The following TTC7B variants were observed in gnomAD, a reference collection of about 807,000 sequenced individuals.
TTC7B encodes tetratricopeptide repeat domain 7B.
TTC7B carries 28 observed loss-of-function variants against 106.8 expected under a neutral mutation model. The ratio of observed to expected loss-of-function variants is 0.26; its 90% CI spans 0.19 to 0.36. The LOEUF is 0.36. Ranked by LOEUF, TTC7B falls within the 10% of genes least tolerant of loss-of-function variation. The pLI is 1.00. For synonymous variants in TTC7B, 405 were observed against 430.6 expected (o/e 0.94, Z 0.74); for missense variants, 862 against 1,076.4 (o/e 0.80, Z 2.79).
chr14:90,746,295 G>A (rs774226698), intron 3 of TTC7B, among the ~76,000 whole-genome samples: 33 of 151,972 alleles, frequency 2.2e-4, no homozygotes, highest in Non-Finnish European at 3.7e-4. Flanking sequence ...TTCTTCTTGA[G>A]TAAGCTTTAG....
intron 5 of TTC7B, 115 bp downstream of exon 5, chr14:90,729,960 A>G (rs1889262526): frequency 4.3e-6 from 5 of 1,156,598 alleles, no homozygotes; most frequent in Non-Finnish European, 4.7e-6. Flanking sequence ...AAAAGTTCCA[A>G]TGGTAGTTCA....
In TTC7B at chr14:90,539,990, C is replaced by G. The variant is rs923471330; in HGVS notation, c.*1378G>C. 2 of 152,320 alleles carry G rather than the reference C, an allele frequency of 1.3e-5. No homozygotes were observed. Among genetic ancestry groups the G allele is most frequent in the Admixed American group, 6.5e-5 (1 of 15,280 alleles). 9.4% of individuals were successfully genotyped at this position (152,320 alleles called of 1,614,324 possible). On this transcript the variant is annotated 3_prime_UTR_variant, in exon 20 of 20. Transcript: ENST00000328459. ...AGTGCAGGAGGCTGCTTGGGCAGGA[C>G]TGAATTGCATGCTCCAATTCCAAAG...
At position 90,573,522 on chromosome 14, in the gene TTC7B, A is replaced by C. The variant is rs538782151; in HGVS notation, c.2310+4584T>G. On this transcript the variant is annotated intron_variant, in intron 19 of 19. Coordinates refer to ENST00000328459, the MANE Select transcript of TTC7B (RefSeq NM_001010854.2). ...TCAGCTCACGGTCCCTCTCCGGCTC[A>C]CGGTCTCTCTCAGCTCACGGTCCCT... Among the ~76,000 whole-genome samples, 25 of 110,372 alleles carry C rather than the reference A, an allele frequency of 2.3e-4. 1 individual carries two copies. The East Asian group carries it at 5.4e-3, about 24-fold the overall frequency. The allele number at this position is 110,372 out of a possible 152,430, so 72.4% of individuals were successfully genotyped here.
intron 14 of TTC7B, among the ~76,000 whole-genome samples, chr14:90,646,391 C>T (rs1252163306): frequency 4.6e-5 from 7 of 152,180 alleles, no homozygotes; most frequent in African/African-American, 7.2e-5. Flanking sequence ...AGATGAAGGC[C>T]GACAAAACTT....
intron 3 of TTC7B, among the ~76,000 whole-genome samples, chr14:90,753,826 AAAG>A (rs1212464718): frequency 2.0e-5 from 3 of 152,310 alleles, no homozygotes; most frequent in South Asian, 2.1e-4. Flanking sequence ...ATCCCTCATA[AAAG>A]AAGAGGATGC....
chr14:90,735,506 C>CA (rs202005793), intron 4 of TTC7B, among the ~76,000 whole-genome samples: 2,630 of 110,788 alleles, frequency 0.024, 22 homozygotes, highest in South Asian at 0.044. Flanking sequence ...GACCTTGTCT[C>CA]AAAAAAAAAA....
chr14:90,767,607 T>G (rs1342083962), intron 3 of TTC7B, among the ~76,000 whole-genome samples: 1 of 152,184 alleles, frequency 6.6e-6, no homozygotes. Context: ...GCTAGAACCT[T>G]CATATTGGCC....
At chr14:90,724,603 G>C (rs142801539) in intron 5 of TTC7B, among the ~76,000 whole-genome samples, 46 of 152,200 alleles carry the variant, frequency 3.0e-4, no homozygotes, top group African/African-American at 1.1e-3. Flanking sequence ...CTCTGGCCAT[G>C]TGATGGCCCT....
intron 13 of TTC7B, among the ~76,000 whole-genome samples, chr14:90,648,147 T>C (rs992808890): frequency 2.0e-5 from 3 of 152,018 alleles, no homozygotes; most frequent in African/African-American, 4.8e-5. Context: ...TTTATGCAAA[T>C]GTAATAGCTC....
At chr14:90,777,188 C>T (rs906297209) in intron 3 of TTC7B, among the ~76,000 whole-genome samples, 3 of 152,124 alleles carry the variant, frequency 2.0e-5, no homozygotes, top group East Asian at 1.9e-4. Flanking sequence ...TGCAGTGGGC[C>T]GAGATTGTGC....
intron 5 of TTC7B, among the ~76,000 whole-genome samples, chr14:90,726,281 C>T (rs1016851265): frequency 5.3e-5 from 8 of 152,190 alleles, no homozygotes; most frequent in African/African-American, 1.9e-4. Flanking sequence ...TACCCAGTGC[C>T]ACCGCGGTCA....
At position 90,600,999 on chromosome 14, in the gene TTC7B, T is replaced by C. The variant is rs937210623; in HGVS notation, c.1967-7373A>G. On this transcript the variant is annotated intron_variant, in intron 17 of 19. Coordinates refer to ENST00000328459, the MANE Select transcript of TTC7B (RefSeq NM_001010854.2). The surrounding 1 kb of genome is among the most constrained non-coding windows in gnomAD (Gnocchi z 4.3). ...GGCGTCCTGGGGAAAGCCTCCCAGGTTGGGATGATATTCTAATGCTGGACA... is the reference window on the plus strand; with the variant it reads ...GGCGTCCTGGGGAAAGCCTCCCAGGCTGGGATGATATTCTAATGCTGGACA... Among the ~76,000 whole-genome samples the C allele has an allele frequency of 6.6e-6, 1 of 152,088 alleles. No homozygotes were observed. Among genetic ancestry groups the C allele is most frequent in the Non-Finnish European group, 1.5e-5 (1 of 68,020 alleles).
intron 9 of TTC7B, among the ~76,000 whole-genome samples, chr14:90,667,942 T>C (rs1886475120): frequency 6.6e-6 from 1 of 152,180 alleles, no homozygotes; most frequent in Non-Finnish European, 1.5e-5. Flanking sequence ...TTATGTCCTG[T>C]GGCATGCTAC....
rs922599518 is a variant in TTC7B, at chr14:90,624,835, G to C, written c.1752-6790C>G. The stretch of plus-strand genomic sequence containing the variant: ...ACATCACGGGAACCTTGAACATTTC[G>C]TATCTTGTGCTGATCTGTGTTTGCG... On this transcript the variant is annotated intron_variant, in intron 15 of 19. Coordinates refer to ENST00000328459, the MANE Select transcript of TTC7B (RefSeq NM_001010854.2). This position sits in a 1 kb window ranked among gnomAD's most constrained non-coding sequence, Gnocchi z 4.0. 2.0e-5 allele frequency among the ~76,000 whole-genome samples: 3 copies of C among 152,192 alleles called. 1 individual carries two copies. Among genetic ancestry groups the C allele is most frequent in the Admixed American group, 1.3e-4 (2 of 15,282 alleles).
At chr14:90,693,693 C>T (rs1366841594) in intron 6 of TTC7B, among the ~76,000 whole-genome samples, 2 of 152,138 alleles carry the variant, frequency 1.3e-5, no homozygotes, top group Non-Finnish European at 2.9e-5. Context: ...GATGGTTACA[C>T]CTAAAAAGAT....
chr14:90,662,731 T>C (rs1305945589), intron 9 of TTC7B, among the ~76,000 whole-genome samples: 1 of 152,174 alleles, frequency 6.6e-6, no homozygotes, highest in Non-Finnish European at 1.5e-5. Context: ...CTACATACAA[T>C]GCCACAGGAA....
intron 15 of TTC7B, among the ~76,000 whole-genome samples, chr14:90,623,263 A>G (rs1884288944): frequency 6.6e-6 from 1 of 152,210 alleles, no homozygotes; most frequent in African/African-American, 2.4e-5. Context: ...CAGCTGCCAG[A>G]CACTTTAAAT....
intron 1 of TTC7B, among the ~76,000 whole-genome samples, chr14:90,799,816 CTGATT>C (rs763222294): frequency 1.1e-4 from 17 of 152,158 alleles, no homozygotes; most frequent in East Asian, 5.8e-4. Context: ...ATGAAATGCT[CTGATT>C]TAAGTTTTTT....
At chr14:90,767,027 C>CAA in intron 3 of TTC7B, 16 of 625,884 alleles carry the variant, frequency 2.6e-5, no homozygotes, top group South Asian at 1.2e-4. Flanking sequence ...AGTTTATATA[C>CAA]CAAAAAAAAA....
Sources: gnomAD v4.1 joint callset for allele counts (sites outside exome capture counted in the v4.1 genomes callset) on GRCh38, gnomAD v4.1.1 for gene constraint, Gnocchi (gnomAD v3.1) non-coding constraint, MANE v1.5 for transcripts, NCBI Gene and HGNC (gene_info 2026-07-23, HGNC 2026-07-21) for gene names.